Variants in ADCY9 observed in about 807,000 individuals in gnomAD.
ADCY9 encodes the protein adenylate cyclase type 9.
ADCY9 carries 50 observed loss-of-function variants against 101.5 expected under a neutral mutation model. The ratio of observed to expected loss-of-function variants is 0.49; its 90% CI spans 0.39 to 0.62. The LOEUF (loss-of-function observed/expected upper bound fraction) is 0.62, where lower values mean the gene tolerates loss of function less well. Among genes scored for constraint, ADCY9 ranks in the 20% least tolerant of loss-of-function variants. The pLI, the probability that ADCY9 is intolerant of heterozygous loss-of-function variation, is 0.00. For synonymous variants in ADCY9, 905 were observed against 769.3 expected (o/e 1.18, Z -2.92); for missense variants, 1,662 against 1,800.4 (o/e 0.92, Z 1.39).
chr16:4,105,538 G>T (rs560185374), intron 2 of ADCY9, among the ~76,000 whole-genome samples: 27 of 151,936 alleles, frequency 1.8e-4, no homozygotes, highest in Non-Finnish European at 3.2e-4. Flanking sequence ...AAATTGGCCG[G>T]GCATGGTGGC....
At chr16:4,105,838 C>A (rs1000162662) in intron 2 of ADCY9, among the ~76,000 whole-genome samples, 1 of 151,990 alleles carries the variant, frequency 6.6e-6, no homozygotes, top group African/African-American at 2.4e-5. Flanking sequence ...AGAGGAAGAC[C>A]CTGTCTCAAA....
intron 2 of ADCY9, among the ~76,000 whole-genome samples, chr16:4,083,033 T>C (rs1015830212): frequency 1.1e-4 from 17 of 152,176 alleles, no homozygotes; most frequent in African/African-American, 4.1e-4. Flanking sequence ...ATCTCCCACG[T>C]GGCAAAGACA....
chr16:4,077,474 T>G (rs1448080050), intron 2 of ADCY9, among the ~76,000 whole-genome samples: 1 of 152,088 alleles, frequency 6.6e-6, no homozygotes, highest in Non-Finnish European at 1.5e-5. Context: ...TTCCTGCACA[T>G]TACATCATGC....
intron 2 of ADCY9, among the ~76,000 whole-genome samples, chr16:4,076,723 A>T (rs141262826): frequency 1.0e-3 from 152 of 150,724 alleles, no homozygotes; most frequent in African/African-American, 3.6e-3. Flanking sequence ...GGCATCAATA[A>T]TTTTTTTTTT....
intron 2 of ADCY9, among the ~76,000 whole-genome samples, chr16:4,024,155 T>C (rs1455116288): frequency 6.6e-6 from 1 of 151,844 alleles, no homozygotes; most frequent in African/African-American, 2.4e-5. Flanking sequence ...CCTGAGTAGC[T>C]GGGATTACAG....
chr16:4,084,909 A>G (rs2056927998), intron 2 of ADCY9, among the ~76,000 whole-genome samples: 1 of 152,138 alleles, frequency 6.6e-6, no homozygotes, highest in African/African-American at 2.4e-5. Flanking sequence ...ACTCATATCA[A>G]CTTCAACTCC....
At chr16:4,053,225 G>A (rs908735308) in intron 2 of ADCY9, among the ~76,000 whole-genome samples, 4 of 152,162 alleles carry the variant, frequency 2.6e-5, no homozygotes, top group African/African-American at 4.8e-5. Flanking sequence ...CAAGTGAGCC[G>A]CAAGAGACTG....
At chr16:4,072,798 A>G (rs1213748195) in intron 2 of ADCY9, among the ~76,000 whole-genome samples, 2 of 152,182 alleles carry the variant, frequency 1.3e-5, no homozygotes, top group African/African-American at 4.8e-5. Flanking sequence ...CTAAAAATAA[A>G]GAGAAAATCT....
chr16:3,974,922 C>A (rs1454859759), intron 9 of ADCY9, among the ~76,000 whole-genome samples: 1 of 152,174 alleles, frequency 6.6e-6, no homozygotes, highest in East Asian at 1.9e-4. Flanking sequence ...TCTTTGTTTA[C>A]CATCCCGCAT....
chr16:4,025,137 T>C (rs892963341), intron 2 of ADCY9, among the ~76,000 whole-genome samples: 1 of 151,600 alleles, frequency 6.6e-6, no homozygotes, highest in East Asian at 1.9e-4. Flanking sequence ...CCGAGGCGGG[T>C]GGATCACCTG....
intron 2 of ADCY9, among the ~76,000 whole-genome samples, chr16:4,109,485 C>T (rs2057100224): frequency 6.6e-6 from 1 of 152,198 alleles, no homozygotes; most frequent in Non-Finnish European, 1.5e-5. Context: ...GCCAGGGGTT[C>T]CGGGCCTCTG....
intron 2 of ADCY9, among the ~76,000 whole-genome samples, chr16:4,076,471 C>T (rs2056867839): frequency 6.6e-6 from 1 of 152,196 alleles, no homozygotes; most frequent in Non-Finnish European, 1.5e-5. Context: ...TAACCTAACT[C>T]GTCCCACACA....
At chr16:4,007,777 C>T (rs79964474) in intron 2 of ADCY9, among the ~76,000 whole-genome samples, 8,144 of 152,016 alleles carry the variant, frequency 0.054, 383 homozygotes, top group African/African-American at 0.13. Flanking sequence ...ACCCACGTTA[C>T]GTTTTCTTGG....
rs1037987211 is a variant in ADCY9 at position 3,997,883 on chromosome 16, C to T, written c.1885-4373G>A. The stretch of plus-strand genomic sequence containing the variant: ...CTGAGGCGGGTGGATCACCTGAGGT[C>T]AGGAGTTTAAGACCAGCCTGGTCAA... On this transcript the variant is annotated intron_variant, in intron 3 of 10. Coordinates refer to ENST00000294016, the MANE Select transcript of ADCY9 (RefSeq NM_001116.4). 3.3e-5 allele frequency among the ~76,000 whole-genome samples: 5 copies of T among 151,810 alleles called. No homozygotes were observed. The East Asian group carries it at 9.7e-4, about 29-fold the overall frequency.
intron 7 of ADCY9, among the ~76,000 whole-genome samples, chr16:3,981,291 G>A (rs2056140306): frequency 6.6e-6 from 1 of 152,214 alleles, no homozygotes; most frequent in African/African-American, 2.4e-5. Flanking sequence ...TTAGAATTGG[G>A]TCTGAAGGAG....
chr16:4,093,551 C>CT (rs901284916), intron 2 of ADCY9, among the ~76,000 whole-genome samples: 5 of 151,376 alleles, frequency 3.3e-5, no homozygotes, highest in South Asian at 2.1e-4. Context: ...TATCATTCAA[C>CT]TTTTTTTTTG....
rs1555509543 is a variant in ADCY9 at position 4,018,970 on chromosome 16, T to TGTGTGTGTGTGTG, written c.1694-11413_1694-11412insCACACACACACAC. Among the ~76,000 whole-genome samples the TGTGTGTGTGTGTG allele has an allele frequency of 1.2e-3, 185 of 149,476 alleles. 1 individual carries two copies. Among genetic ancestry groups the TGTGTGTGTGTGTG allele is most frequent in the African/African-American group, 4.0e-3 (160 of 39,928 alleles). ...TCGCAGTTGTGTGTGTGTGTGTGTG[T>TGTGTGTGTGTGTG]TTTGTTTTGTTTTGTTTTTTTAAGA... is the stretch of plus-strand genomic sequence containing the variant. On this transcript the variant is annotated intron_variant, in intron 2 of 10. Coordinates refer to ENST00000294016, the MANE Select transcript of ADCY9 (RefSeq NM_001116.4).
downstream of ADCY9, among the ~76,000 whole-genome samples, chr16:3,958,972 G>A (rs1200321380): frequency 6.6e-6 from 1 of 151,944 alleles, no homozygotes; most frequent in Non-Finnish European, 1.5e-5. Flanking sequence ...ACCATGCCCT[G>A]CCTCGGTTGC....
At chr16:4,084,684 C>A (rs1404015642) in intron 2 of ADCY9, among the ~76,000 whole-genome samples, 3 of 151,992 alleles carry the variant, frequency 2.0e-5, no homozygotes, top group Non-Finnish European at 4.4e-5. Context: ...CATGATTGCA[C>A]CACTGCACTC....
Sources: gnomAD v4.1 joint callset for allele counts (sites outside exome capture counted in the v4.1 genomes callset) on GRCh38, gnomAD v4.1.1 for gene constraint, MANE v1.5 for transcripts, NCBI Gene and HGNC (gene_info 2026-07-23, HGNC 2026-07-21) for gene names.